The following CAST variants were observed in gnomAD, a reference collection of about 807,000 sequenced individuals.
CAST encodes calpastatin, also known as MIR583 host.
A neutral mutation model predicts 119.6 loss-of-function variants in CAST; 76 were observed. That is an observed-to-expected ratio of 0.64 (90% CI 0.53 to 0.77). CAST has a LOEUF of 0.77. Among genes scored for constraint, CAST ranks in the 30% least tolerant of loss-of-function variants. The pLI is 0.00. For missense variants in CAST, 953 were observed against 946.5 expected, an observed-to-expected ratio of 1.01 and a Z score of -0.09; for synonymous variants, 319 against 331.6, an observed-to-expected ratio of 0.96 and a Z score of 0.41.
chr5:96,476,187 G>A, the CAST span, among the ~76,000 whole-genome samples: 3 of 152,148 alleles, frequency 2.0e-5, no homozygotes, highest in Non-Finnish European at 2.9e-5. Flanking sequence ...TTCAGCCATC[G>A]AAAATAAAGA....
the CAST span, among the ~76,000 whole-genome samples, chr5:96,007,075 C>T: frequency 3.9e-5 from 6 of 152,230 alleles, no homozygotes; most frequent in South Asian, 2.1e-4. Context: ...ATCAGATATT[C>T]GTGTGGATTT....
At chr5:96,413,023 A>G in the CAST span, 2 of 886,982 alleles carry the variant, frequency 2.3e-6, no homozygotes, top group Non-Finnish European at 2.7e-6. Context: ...AGGACTCTGG[A>G]CAGGAAACAT....
the CAST span, among the ~76,000 whole-genome samples, chr5:96,483,460 A>G: frequency 6.6e-6 from 1 of 152,200 alleles, no homozygotes; most frequent in Non-Finnish European, 1.5e-5. Flanking sequence ...TAACCTGGCC[A>G]TCTCACAAAA....
chr5:96,175,674 A>G, the CAST span, among the ~76,000 whole-genome samples: 1 of 152,172 alleles, frequency 6.6e-6, no homozygotes, highest in Non-Finnish European at 1.5e-5. Context: ...ACATGAAGCA[A>G]CTATCTATGG....
Position 96,731,548 on chromosome 5 carries a change from T to C in CAST, c.630+688T>C, listed in dbSNP as rs1401909204. Among the ~76,000 whole-genome samples, 2 of 149,018 alleles carry C rather than the reference T, an allele frequency of 1.3e-5. 1 individual carries two copies. The highest frequency in any genetic ancestry group is 5.0e-5 in the African/African-American group (2 of 40,080). Reference sequence around the variant, plus strand: ...TTAAGTTTTAGGGTACATGTGCACATTGTGCAGGTTAGTTACATATGTATA... The same window carrying C: ...TTAAGTTTTAGGGTACATGTGCACACTGTGCAGGTTAGTTACATATGTATA... On this transcript the variant is annotated intron_variant, in intron 9 of 31. Transcript: ENST00000675179.
At chr5:96,603,223 C>T (rs892990154) in intron 1 of CAST, among the ~76,000 whole-genome samples, 1 of 152,138 alleles carries the variant, frequency 6.6e-6, no homozygotes, top group Non-Finnish European at 1.5e-5. Context: ...TATGGGAATA[C>T]CCATGCTATA....
the CAST span, among the ~76,000 whole-genome samples, chr5:96,487,123 A>C: frequency 6.6e-6 from 1 of 151,418 alleles, no homozygotes. Flanking sequence ...TAGGGGTCAG[A>C]AAAGAAAAAC....
chr5:96,504,706 C>T, the CAST span, among the ~76,000 whole-genome samples: 1 of 152,164 alleles, frequency 6.6e-6, no homozygotes, highest in Non-Finnish European at 1.5e-5. Flanking sequence ...AGTTGTGCAA[C>T]TGTCACCACA....
At chr5:96,257,672 G>A in the CAST span, among the ~76,000 whole-genome samples, 1 of 152,164 alleles carries the variant, frequency 6.6e-6, no homozygotes, top group Non-Finnish European at 1.5e-5. Context: ...ATTCTGCACA[G>A]CAGCAATTTC....
the CAST span, among the ~76,000 whole-genome samples, chr5:96,267,140 A>AAG: frequency 6.6e-6 from 1 of 152,224 alleles, no homozygotes; most frequent in African/African-American, 2.4e-5. Flanking sequence ...AAAAATAAAA[A>AAG]AGAATGCAAA....
chr5:96,659,324 T>G (rs528032203), upstream of CAST, among the ~76,000 whole-genome samples: 1 of 152,280 alleles, frequency 6.6e-6, no homozygotes, highest in African/African-American at 2.4e-5. Flanking sequence ...AAAAACACAG[T>G]ATCTGTGAAA....
chr5:96,344,736 A>G, the CAST span, among the ~76,000 whole-genome samples: 2 of 152,310 alleles, frequency 1.3e-5, no homozygotes, highest in African/African-American at 4.8e-5. Flanking sequence ...AGTGACTAAT[A>G]CCTACCAGGT....
At chr5:96,578,573 T>G (rs1297550100) in intron 1 of CAST, among the ~76,000 whole-genome samples, 1 of 152,198 alleles carries the variant, frequency 6.6e-6, no homozygotes, top group Non-Finnish European at 1.5e-5. Flanking sequence ...CTTGACATAT[T>G]TATTTCTTTA....
chr5:96,287,696 C>G, the CAST span, among the ~76,000 whole-genome samples: 3 of 151,894 alleles, frequency 2.0e-5, no homozygotes, highest in Non-Finnish European at 4.4e-5. Context: ...ATTGAAAGTC[C>G]AGACACATCT....
At position 96,622,149 on chromosome 5, in the gene CAST, T is replaced by C. The variant is rs565673002; in HGVS notation, c.61-53390T>C. Among the ~76,000 whole-genome samples the C allele has an allele frequency of 3.9e-4, 59 of 152,022 alleles. No homozygotes were observed. In the South Asian group the frequency reaches 0.012, roughly 32 times the overall value. On this transcript the variant is annotated intron_variant, in intron 1 of 11. Transcript: ENST00000505143. ...CACACCTGGCTAGTTTTTGTATTTT[T>C]AGTAGAGACGGGGTTTCACCATGTT...
chr5:96,333,746 A>G, the CAST span, among the ~76,000 whole-genome samples: 91,945 of 151,970 alleles, frequency 0.61, 28,370 homozygotes, highest in African/African-American at 0.69. Flanking sequence ...TTGCTCAGGG[A>G]GGCTCTGGAA....
the CAST span, among the ~76,000 whole-genome samples, chr5:96,040,766 C>T: frequency 5.3e-5 from 8 of 152,088 alleles, no homozygotes; most frequent in African/African-American, 9.7e-5. Context: ...CTTCTGAATT[C>T]GGTTTGCCAG....
the CAST span, among the ~76,000 whole-genome samples, chr5:96,249,759 G>T: frequency 6.6e-6 from 1 of 151,534 alleles, no homozygotes; most frequent in East Asian, 1.9e-4. Flanking sequence ...TGAATATTAG[G>T]CATTAGGAAC....
the CAST span, among the ~76,000 whole-genome samples, chr5:96,190,825 C>G: frequency 6.6e-6 from 1 of 152,058 alleles, no homozygotes; most frequent in Non-Finnish European, 1.5e-5. Context: ...ATGGATGATC[C>G]TGTCACCCAG....
Sources: gnomAD v4.1 joint callset for allele counts (sites outside exome capture counted in the v4.1 genomes callset) on GRCh38, gnomAD v4.1.1 for gene constraint, MANE v1.5 for transcripts, NCBI Gene and HGNC (gene_info 2026-07-23, HGNC 2026-07-21) for gene names.